The following RAD18 variants were observed in gnomAD, a reference collection of about 807,000 sequenced individuals.
The protein encoded by RAD18 is E3 ubiquitin-protein ligase RAD18.
A neutral mutation model predicts 60.4 loss-of-function variants in RAD18; 47 were observed. The ratio of observed to expected loss-of-function variants is 0.78; its 90% confidence interval spans 0.62 to 0.99. The LOEUF is 0.99. Ranked by LOEUF, RAD18 falls within the 50% of genes least tolerant of loss-of-function variation. The pLI, the probability that RAD18 is intolerant of heterozygous loss-of-function variation, is 0.00. For synonymous variants in RAD18, 225 were observed against 195.5 expected, an observed-to-expected ratio of 1.15 and a Z score of -1.26; for missense variants, 640 against 593.3, an observed-to-expected ratio of 1.08 and a Z score of -0.82.
At position 8,958,948 on chromosome 3, in the gene RAD18, T is replaced by C. The variant is rs1941054657; in HGVS notation, c.105A>G (p.Ala35=). 1 of 1,613,810 alleles carries C rather than the reference T, an allele frequency of 6.2e-7. No individual in the cohort carries two copies. The highest frequency in any genetic ancestry group is 1.1e-5 in the South Asian group (1 of 91,038). ...CGICFEYFNI[A]MIIPQCSHNY... ...TATGTGAACACTGAGGTATTATCAT[T>C]GCAATGTTGAAATACTCGAAGCAAA... Residue 35 remains alanine, a synonymous_variant, in exon 2 of 13, where the codon GCA becomes GCG. Transcript: ENST00000264926.
At chr3:8,898,429 T>A (rs867132518) in intron 11 of RAD18, among the ~76,000 whole-genome samples, 27 of 151,794 alleles carry the variant, frequency 1.8e-4, no homozygotes, top group African/African-American at 4.9e-4. Context: ...AAACCCTATA[T>A]ATTTTTTAAA....
At chr3:8,906,794 G>GT (rs369984359) in intron 9 of RAD18, among the ~76,000 whole-genome samples, 22,913 of 144,482 alleles carry the variant, frequency 0.16, 2,336 homozygotes, top group African/African-American at 0.29. Context: ...GGGGGAAACA[G>GT]TTTTTTTTTT....
chr3:8,952,614 G>A (rs562493850), intron 2 of RAD18, among the ~76,000 whole-genome samples: 37 of 152,216 alleles, frequency 2.4e-4, no homozygotes, highest in African/African-American at 8.9e-4. Flanking sequence ...GACATTTTTG[G>A]TTAAGTCAAA....
At chr3:8,892,308 C>G (rs1159162655) in intron 11 of RAD18, among the ~76,000 whole-genome samples, 1 of 152,180 alleles carries the variant, frequency 6.6e-6, no homozygotes, top group African/African-American at 2.4e-5. Flanking sequence ...ATGAACGTTA[C>G]AGCTCCCCTA....
intron 2 of RAD18, among the ~76,000 whole-genome samples, chr3:8,951,407 AAG>A (rs1255710125): frequency 6.6e-6 from 1 of 152,224 alleles, no homozygotes; most frequent in Non-Finnish European, 1.5e-5. Context: ...TCAAAAGTGA[AAG>A]AGAAATAAGG....
chr3:8,922,067 C>T (rs1408001813), intron 7 of RAD18, among the ~76,000 whole-genome samples: 1 of 152,178 alleles, frequency 6.6e-6, no homozygotes, highest in Non-Finnish European at 1.5e-5. Context: ...GTTCATCTCA[C>T]TGGGGATTTT....
rs532896349 is a variant in RAD18 at position 8,886,075 on chromosome 3, C to G, written c.1385+4314G>C. Reference sequence around the variant, plus strand: ...CTACAATTGTTTTAACATTGTTTATCTCAAGGCCAGTGCTTGTTTAGCTGC... The same window carrying G: ...CTACAATTGTTTTAACATTGTTTATGTCAAGGCCAGTGCTTGTTTAGCTGC... On this transcript the variant is annotated intron_variant, in intron 12 of 12. Transcript: ENST00000264926. Among the ~76,000 whole-genome samples the G allele has an allele frequency of 2.2e-4, 33 of 152,320 alleles. No individual in the cohort carries two copies. The South Asian group carries it at 3.9e-3, about 18-fold the overall frequency.
intron 11 of RAD18, 149 bp from the exon 12 acceptor site, chr3:8,890,600 G>A (rs923977843): frequency 3.8e-5 from 21 of 559,356 alleles, no homozygotes; most frequent in Non-Finnish European, 5.9e-5. Flanking sequence ...GAGTGGGGGT[G>A]GGCAAGGAAA....
intron 4 of RAD18, among the ~76,000 whole-genome samples, chr3:8,944,669 A>T (rs1254744585): frequency 7.3e-6 from 1 of 137,686 alleles, no homozygotes; most frequent in Non-Finnish European, 1.6e-5. Flanking sequence ...GGAGGGAGGG[A>T]GGGAGGAAGG....
At chr3:8,936,608 T>C (rs1311573661) in intron 6 of RAD18, among the ~76,000 whole-genome samples, 1 of 152,144 alleles carries the variant, frequency 6.6e-6, no homozygotes, top group Non-Finnish European at 1.5e-5. Flanking sequence ...CTCAAGGAGG[T>C]CATTACACTT....
chr3:8,943,127 T>C (rs565912377), intron 4 of RAD18, among the ~76,000 whole-genome samples: 1 of 152,276 alleles, frequency 6.6e-6, no homozygotes, highest in South Asian at 2.1e-4. Flanking sequence ...GAACAAAATG[T>C]GACATCTTTC....
chr3:8,919,800 T>C (rs1252221927), intron 7 of RAD18, among the ~76,000 whole-genome samples: 6 of 151,906 alleles, frequency 3.9e-5, no homozygotes, highest in Non-Finnish European at 7.4e-5. Context: ...AAGAAAAGTC[T>C]GCAATATCTT....
At chr3:8,929,113 T>A (rs376640330) in intron 7 of RAD18, among the ~76,000 whole-genome samples, 1 of 151,974 alleles carries the variant, frequency 6.6e-6, no homozygotes, top group Admixed American at 6.5e-5. Flanking sequence ...TAGACAAAAA[T>A]CTGTATTTTA....
intron 11 of RAD18, among the ~76,000 whole-genome samples, chr3:8,897,794 G>A (rs747850582): frequency 6.6e-6 from 1 of 152,154 alleles, no homozygotes; most frequent in Non-Finnish European, 1.5e-5. Flanking sequence ...GGCCAGGTAC[G>A]GTGGCTCATG....
intron 3 of RAD18, among the ~76,000 whole-genome samples, chr3:8,948,197 T>A (rs1477219077): frequency 6.6e-6 from 1 of 152,168 alleles, no homozygotes; most frequent in East Asian, 1.9e-4. Context: ...TGCAAATGAA[T>A]AATCATACCA....
intron 2 of RAD18, among the ~76,000 whole-genome samples, chr3:8,958,173 T>A (rs1383101401): frequency 6.6e-6 from 1 of 152,214 alleles, no homozygotes; most frequent in Non-Finnish European, 1.5e-5. Flanking sequence ...TCTTACTATG[T>A]CTTCTCCACA....
At chr3:8,919,580 ATGTG>A (rs1400070790) in intron 7 of RAD18, among the ~76,000 whole-genome samples, 1 of 152,146 alleles carries the variant, frequency 6.6e-6, no homozygotes, top group Non-Finnish European at 1.5e-5. Flanking sequence ...GCATACATGC[ATGTG>A]TATGTATATA....
intron 7 of RAD18, among the ~76,000 whole-genome samples, chr3:8,921,129 A>G (rs1411539479): frequency 6.6e-6 from 1 of 152,234 alleles, no homozygotes; most frequent in East Asian, 1.9e-4. Context: ...ACACACATTC[A>G]CAGAAAAAGA....
intron 6 of RAD18, among the ~76,000 whole-genome samples, chr3:8,939,170 A>G (rs1297875563): frequency 6.6e-6 from 1 of 152,108 alleles, no homozygotes; most frequent in South Asian, 2.1e-4. Context: ...TGAGCATCCT[A>G]AAGATCAGAG....
Sources: gnomAD v4.1 joint callset for allele counts (sites outside exome capture counted in the v4.1 genomes callset) on GRCh38, gnomAD v4.1.1 for gene constraint, MANE v1.5 for transcripts, NCBI Gene and HGNC (gene_info 2026-07-23, HGNC 2026-07-21) for gene names.